Variants in GPC5 observed in about 807,000 individuals in gnomAD.
The protein encoded by GPC5 is glypican 5.
Under a neutral mutation model 53.9 loss-of-function variants are expected in GPC5, and 47 were observed. The observed-to-expected ratio is 0.87, with a 90% CI of 0.69 to 1.11. The LOEUF (loss-of-function observed/expected upper bound fraction) is 1.11. Among genes scored for constraint, GPC5 ranks in the 50% most tolerant of loss-of-function variants. GPC5 has a pLI of 0.00. For missense variants in GPC5, 748 were observed against 713.1 expected (o/e 1.05, Z -0.56); for synonymous variants, 286 against 263.3 (o/e 1.09, Z -0.84).
intron 5 of GPC5, among the ~76,000 whole-genome samples, chr13:91,829,773 G>A (rs1355879124): frequency 6.6e-6 from 1 of 152,044 alleles, no homozygotes; most frequent in African/African-American, 2.4e-5. Flanking sequence ...GGTAGGTTCC[G>A]TGATGCCCCA....
At chr13:92,281,256 G>A (rs1019119497) in intron 7 of GPC5, among the ~76,000 whole-genome samples, 17 of 152,198 alleles carry the variant, frequency 1.1e-4, no homozygotes, top group African/African-American at 3.6e-4. Context: ...CAGGAAGCTC[G>A]AACTGGGTGG....
chr13:92,231,571 T>C (rs1242729278), intron 7 of GPC5, among the ~76,000 whole-genome samples: 1 of 146,926 alleles, frequency 6.8e-6, no homozygotes. Context: ...AGTCGTCATC[T>C]CCCATTTTAA....
intron 2 of GPC5, among the ~76,000 whole-genome samples, chr13:91,608,348 A>G (rs1031361087): frequency 2.0e-5 from 3 of 152,210 alleles, no homozygotes; most frequent in Non-Finnish European, 4.4e-5. Flanking sequence ...CTGGAGTACA[A>G]TAGTGAACAA....
intron 7 of GPC5, among the ~76,000 whole-genome samples, chr13:92,388,603 G>A (rs995863423): frequency 6.6e-6 from 1 of 152,052 alleles, no homozygotes; most frequent in Non-Finnish European, 1.5e-5. Context: ...CACACCATGA[G>A]GAACCATGGA....
chr13:92,191,651 T>C (rs1325764421), intron 7 of GPC5, among the ~76,000 whole-genome samples: 1 of 152,142 alleles, frequency 6.6e-6, no homozygotes, highest in Non-Finnish European at 1.5e-5. Flanking sequence ...TTAACTGCGG[T>C]ATATCTAGAC....
At chr13:91,601,695 T>C (rs964042668) in intron 2 of GPC5, among the ~76,000 whole-genome samples, 2 of 152,150 alleles carry the variant, frequency 1.3e-5, no homozygotes, top group Admixed American at 6.6e-5. Flanking sequence ...CAATGATCTG[T>C]CACTGTCTCC....
chr13:92,374,502 A>G (rs577682429), intron 7 of GPC5, among the ~76,000 whole-genome samples: 3 of 152,082 alleles, frequency 2.0e-5, no homozygotes, highest in Admixed American at 6.6e-5. Flanking sequence ...TAAAAAGTAC[A>G]CCATGGAATA....
In GPC5 at chr13:92,277,064, A is replaced by T. The variant is rs533439764; in HGVS notation, c.1561+132075A>T. On this transcript the variant is annotated intron_variant, in intron 7 of 7. Coordinates refer to ENST00000377067, the MANE Select transcript of GPC5 (RefSeq NM_004466.6). ...ACATTCTGTTGCTTACAACATTCACATAGGTTCCAATTATGCCTGGTTAAT... is the reference window on the plus strand; with the variant it reads ...ACATTCTGTTGCTTACAACATTCACTTAGGTTCCAATTATGCCTGGTTAAT... 2.0e-5 allele frequency among the ~76,000 whole-genome samples: 3 copies of T among 152,104 alleles called. No individual in the cohort carries two copies. In the South Asian group the frequency reaches 6.2e-4, roughly 32 times the overall value.
chr13:91,895,199 T>C (rs1422622332), intron 5 of GPC5, among the ~76,000 whole-genome samples: 1 of 152,134 alleles, frequency 6.6e-6, no homozygotes, highest in Non-Finnish European at 1.5e-5. Context: ...TGCCAATTCC[T>C]TCTGGAAGTG....
chr13:92,117,588 C>T (rs896662111), intron 6 of GPC5, among the ~76,000 whole-genome samples: 1 of 152,132 alleles, frequency 6.6e-6, no homozygotes, highest in African/African-American at 2.4e-5. Context: ...ATCGACATCT[C>T]AAGAATATTG....
intron 7 of GPC5, among the ~76,000 whole-genome samples, chr13:92,712,476 G>A (rs1360995735): frequency 2.7e-5 from 4 of 150,138 alleles, no homozygotes; most frequent in East Asian, 3.9e-4. Flanking sequence ...AAAAAAAAAC[G>A]GCAAAATCAT....
chr13:92,474,141 T>G (rs1431816997), intron 7 of GPC5, among the ~76,000 whole-genome samples: 3 of 110,798 alleles, frequency 2.7e-5, no homozygotes, highest in African/African-American at 1.2e-4. Flanking sequence ...TAATAGCCAT[T>G]GATCTGTTTT....
chr13:91,829,182 G>A (rs1248412256), intron 5 of GPC5, among the ~76,000 whole-genome samples: 2 of 152,018 alleles, frequency 1.3e-5, no homozygotes, highest in Non-Finnish European at 2.9e-5. Flanking sequence ...TTGCCAAAAG[G>A]ACATAAACTC....
intron 5 of GPC5, among the ~76,000 whole-genome samples, chr13:91,903,359 C>T (rs2039518885): frequency 6.6e-6 from 1 of 151,980 alleles, no homozygotes; most frequent in Non-Finnish European, 1.5e-5. Flanking sequence ...TCTGAGCATT[C>T]ATGTATCTGT....
At chr13:91,929,285 G>A (rs1246613693) in intron 6 of GPC5, among the ~76,000 whole-genome samples, 1 of 152,072 alleles carries the variant, frequency 6.6e-6, no homozygotes, top group Non-Finnish European at 1.5e-5. Flanking sequence ...TTATGCATAT[G>A]TCTTTTAAGA....
intron 6 of GPC5, among the ~76,000 whole-genome samples, chr13:92,031,046 C>A (rs1369117212): frequency 1.3e-5 from 2 of 152,080 alleles, no homozygotes; most frequent in African/African-American, 4.8e-5. Context: ...TCTTTGTGAT[C>A]CCTCATTTGA....
chr13:92,207,298 G>T (rs997074736), intron 7 of GPC5, among the ~76,000 whole-genome samples: 19 of 152,148 alleles, frequency 1.2e-4, no homozygotes, highest in Non-Finnish European at 2.6e-4. Flanking sequence ...ATGGAGTAAA[G>T]GCACAAGCCA....
At chr13:91,969,491 G>C (rs569927343) in intron 6 of GPC5, among the ~76,000 whole-genome samples, 1 of 151,752 alleles carries the variant, frequency 6.6e-6, no homozygotes, top group South Asian at 2.1e-4. Flanking sequence ...ATGACACTAA[G>C]AGCACAGATG....
rs115632004 is a variant in GPC5 at position 91,661,545 on chromosome 13, A to C, written c.326-31642A>C. On this transcript the variant is annotated intron_variant, in intron 2 of 7. Coordinates refer to ENST00000377067, the MANE Select transcript of GPC5 (RefSeq NM_004466.6). ...AATAAATAAGTCATTTATGCAATGC[A>C]TTATGTGATAAGTACTGTGGGGAAA... Among the ~76,000 whole-genome samples the C allele has an allele frequency of 5.3e-3, 809 of 152,282 alleles. 12 individuals are homozygous for C. Among genetic ancestry groups the C allele is most frequent in the African/African-American group, 0.019 (771 of 41,546 alleles).
Sources: gnomAD v4.1 joint callset for allele counts (sites outside exome capture counted in the v4.1 genomes callset) on GRCh38, gnomAD v4.1.1 for gene constraint, MANE v1.5 for transcripts, NCBI Gene and HGNC (gene_info 2026-07-23, HGNC 2026-07-21) for gene names.